Variants in EIF3H observed in about 807,000 individuals in gnomAD.
The protein encoded by EIF3H is eIF-3-gamma.
A neutral mutation model predicts 44.2 loss-of-function variants in EIF3H; 26 were observed. That is an observed-to-expected ratio of 0.59 (90% CI 0.43 to 0.82). EIF3H has a LOEUF of 0.82. Ranked by LOEUF, EIF3H falls within the 40% of genes least tolerant of loss-of-function variation. EIF3H has a pLI of 0.00. For synonymous variants in EIF3H, 166 were observed against 151.9 expected, an observed-to-expected ratio of 1.09 and a Z score of -0.68; for missense variants, 359 against 432.8, an observed-to-expected ratio of 0.83 and a Z score of 1.51.
intron 5 of EIF3H, among the ~76,000 whole-genome samples, chr8:116,651,957 A>C (rs1813400913): frequency 6.6e-6 from 1 of 152,230 alleles, no homozygotes; most frequent in African/African-American, 2.4e-5. Flanking sequence ...AAAGAGGAAA[A>C]GGTCAAAAAA....
intron 2 of EIF3H, among the ~76,000 whole-genome samples, chr8:116,716,018 G>A (rs1814654057): frequency 6.8e-6 from 1 of 147,718 alleles, no homozygotes; most frequent in Non-Finnish European, 1.5e-5. Context: ...GTTACCACAT[G>A]TGCAAAAACA....
intron 1 of EIF3H, among the ~76,000 whole-genome samples, chr8:116,752,714 AAGAAAGAAAGAAAG>A (rs1815366272): frequency 7.5e-6 from 1 of 133,448 alleles, no homozygotes. Flanking sequence ...GAAAGAAAGA[AAGAAAGAAAGAAAG>A]AAAGAAGAGA....
chr8:116,737,596 G>GA (rs1455215312), intron 1 of EIF3H: 6 of 184,954 alleles, frequency 3.2e-5, no homozygotes, highest in Admixed American at 1.1e-4. Flanking sequence ...GGCGGAGGAT[G>GA]CAGTGAGCTG....
intron 7 of EIF3H, among the ~76,000 whole-genome samples, chr8:116,646,252 G>C (rs1482680745): frequency 1.3e-5 from 2 of 152,156 alleles, no homozygotes; most frequent in Admixed American, 6.5e-5. Flanking sequence ...AAAATGTTTA[G>C]AAACACAGAG....
intron 1 of EIF3H, among the ~76,000 whole-genome samples, chr8:116,750,450 C>G (rs1815312729): frequency 6.7e-6 from 1 of 148,890 alleles, no homozygotes; most frequent in African/African-American, 2.5e-5. Context: ...CGCTCTGTCG[C>G]CCAATCTGGA....
chr8:116,721,505 C>T (rs1814745313), intron 2 of EIF3H, among the ~76,000 whole-genome samples: 1 of 152,224 alleles, frequency 6.6e-6, no homozygotes, highest in African/African-American at 2.4e-5. Context: ...GAGAAGACGG[C>T]CACCGTCCTC....
upstream of EIF3H, among the ~76,000 whole-genome samples, chr8:116,757,638 AAAAG>A (rs556611515): frequency 1.6e-4 from 24 of 152,330 alleles, no homozygotes; most frequent in Non-Finnish European, 2.9e-4. Flanking sequence ...GAAGAAAAAG[AAAAG>A]AGAGAAATGA....
chr8:116,645,698 G>C (rs181139546), intron 7 of EIF3H, among the ~76,000 whole-genome samples: 19 of 152,324 alleles, frequency 1.2e-4, no homozygotes, highest in African/African-American at 4.1e-4. Flanking sequence ...AATTCTGTTT[G>C]AATTGGACCT....
In EIF3H at chr8:116,649,479, G is replaced by A. The variant is rs577027540; in HGVS notation, c.708-553C>T. Among the ~76,000 whole-genome samples the A allele has an allele frequency of 4.6e-5, 7 of 152,082 alleles. No homozygotes were observed. The South Asian group carries it at 1.2e-3, about 27-fold the overall frequency. On this transcript the variant is annotated intron_variant, in intron 5 of 7. Coordinates refer to ENST00000521861, the MANE Select transcript of EIF3H (RefSeq NM_003756.3). ...TCTTTCATATTTCTTATTCTCTCCC[G>A]AAATTTCTATTGCAGCTCAGTTACC...
rs193294518 is a variant in EIF3H at position 116,744,259 on chromosome 8, T to C, written c.132+11407A>G. Among the ~76,000 whole-genome samples, 22 of 148,688 alleles carry C rather than the reference T, an allele frequency of 1.5e-4. No homozygotes were observed. The East Asian group carries it at 3.7e-3, about 25-fold the overall frequency. The stretch of plus-strand genomic sequence containing the variant: ...AGTAAGCCTCAAGATACAATAAACA[T>C]CTGTGGCACTTAAGTACCACTTTAG... On this transcript the variant is annotated intron_variant, in intron 1 of 7. Transcript: ENST00000521861.
intron 5 of EIF3H, among the ~76,000 whole-genome samples, chr8:116,651,051 G>A (rs1367699759): frequency 6.6e-6 from 1 of 152,228 alleles, no homozygotes; most frequent in Non-Finnish European, 1.5e-5. Flanking sequence ...CCCGTTCAGG[G>A]TGATGAGAAT....
At chr8:116,751,814 T>C (rs1199936317) in intron 1 of EIF3H, among the ~76,000 whole-genome samples, 3 of 152,252 alleles carry the variant, frequency 2.0e-5, no homozygotes, top group Admixed American at 6.5e-5. Context: ...GTTCTAGTTA[T>C]TGACATATAT....
At position 116,697,830 on chromosome 8, in the gene EIF3H, T is replaced by C. The variant is rs150710833; in HGVS notation, c.289+28186A>G. Among the ~76,000 whole-genome samples, 522 of 152,352 alleles carry C rather than the reference T, an allele frequency of 3.4e-3. 2 individuals are homozygous for C. Among genetic ancestry groups the C allele is most frequent in the Middle Eastern group, 6.8e-3 (2 of 294 alleles). On this transcript the variant is annotated intron_variant, in intron 2 of 7. Transcript: ENST00000521861. ...TCTTGAAATTTGATGAGCATCTCAA[T>C]TGATTAAGTTAAATTATGCTTTAGT...
rs542235984 is a variant in EIF3H, at chr8:116,657,049, A to T, written c.557+166T>A. ...TGAGATATTCCCTAAAGAATAATTT[A>T]AACATGGAAAGGGAGAGAGCAAGCA... On this transcript the variant is annotated intron_variant, in intron 4 of 7. Coordinates refer to ENST00000521861, the MANE Select transcript of EIF3H (RefSeq NM_003756.3). Among the ~76,000 whole-genome samples the T allele has an allele frequency of 1.3e-4, 20 of 152,296 alleles. 1 individual carries two copies. In the South Asian group the frequency reaches 2.7e-3, roughly 20 times the overall value.
chr8:116,673,367 G>A (rs926120641), intron 2 of EIF3H, among the ~76,000 whole-genome samples: 2 of 152,172 alleles, frequency 1.3e-5, no homozygotes, highest in Non-Finnish European at 2.9e-5. Context: ...AGCTCTGGAA[G>A]CTATTCATAT....
chr8:116,759,193 T>C (rs1815489690), upstream of EIF3H, among the ~76,000 whole-genome samples: 1 of 152,220 alleles, frequency 6.6e-6, no homozygotes, highest in Non-Finnish European at 1.5e-5. Context: ...TTCATTCTCT[T>C]TGTCACAGAA....
chr8:116,732,493 G>A (rs1460375152), intron 1 of EIF3H, among the ~76,000 whole-genome samples: 3 of 152,088 alleles, frequency 2.0e-5, no homozygotes, highest in Non-Finnish European at 2.9e-5. Context: ...CCATGACAGG[G>A]AACAGTTCAA....
At chr8:116,692,063 G>C (rs1179903174) in intron 2 of EIF3H, among the ~76,000 whole-genome samples, 1 of 152,102 alleles carries the variant, frequency 6.6e-6, no homozygotes, top group Non-Finnish European at 1.5e-5. Flanking sequence ...AGTTTAAGTA[G>C]TACAGCTTTC....
chr8:116,755,830 G>C (rs201280343), upstream of EIF3H: 4 of 1,608,784 alleles, frequency 2.5e-6, no homozygotes, highest in South Asian at 2.2e-5. Flanking sequence ...AGAGAAACGT[G>C]AGTTACCGGA....
Sources: allele counts gnomAD v4.1 joint callset (sites outside exome capture counted in the v4.1 genomes callset), GRCh38; gene constraint gnomAD v4.1.1; transcripts MANE v1.5; gene names NCBI Gene and HGNC (gene_info 2026-07-23, HGNC 2026-07-21).